The following CGGBP1 variants were observed in gnomAD, a reference collection of about 807,000 sequenced individuals.
CGGBP1 encodes CGG triplet repeat binding protein 1.
Under a neutral mutation model 11.4 loss-of-function variants are expected in CGGBP1, and 4 were observed. That is an observed-to-expected ratio of 0.35 (90% CI 0.17 to 0.80). CGGBP1 has a LOEUF of 0.80. CGGBP1 is among the 30% of genes least tolerant of loss of function. The probability of loss-of-function intolerance (pLI) is 0.52; values close to 1 mark genes in which losing one functional copy is unlikely to be tolerated. For synonymous variants in CGGBP1, 76 were observed against 74.1 expected (o/e 1.03, Z -0.13); for missense variants, 135 against 202.1 (o/e 0.67, Z 2.01).
At chr3:88,141,172 T>C in intron 1 of CGGBP1, 1 of 1,110,152 alleles carries the variant, frequency 9.0e-7, no homozygotes, top group Non-Finnish European at 1.2e-6. Flanking sequence ...GAAGCATTAC[T>C]CCATACATTA....
At chr3:88,113,361 C>A (rs1168980480) in intron 2 of CGGBP1, among the ~76,000 whole-genome samples, 2 of 152,018 alleles carry the variant, frequency 1.3e-5, no homozygotes, top group African/African-American at 4.8e-5. Context: ...AAAATTCATA[C>A]AATTAATTTT....
intron 2 of CGGBP1, among the ~76,000 whole-genome samples, chr3:88,130,993 G>A (rs1706424743): frequency 6.6e-6 from 1 of 152,122 alleles, no homozygotes; most frequent in Admixed American, 6.6e-5. Flanking sequence ...ATACAGTTAT[G>A]CAGCACTTAA....
chr3:88,096,030 T>C, intron 2 of CGGBP1: 1 of 199,996 alleles, frequency 5.0e-6, no homozygotes, highest in Non-Finnish European at 9.9e-6. Flanking sequence ...CCCAGTTTGT[T>C]CTTTCCCTCT....
At chr3:88,132,410 A>G (rs1241609463) in intron 2 of CGGBP1, among the ~76,000 whole-genome samples, 2 of 152,158 alleles carry the variant, frequency 1.3e-5, no homozygotes, top group East Asian at 3.9e-4. Context: ...CACACATTGA[A>G]TAAAGGAAAA....
At chr3:88,068,252 T>TA (rs1338062425) in intron 2 of CGGBP1, among the ~76,000 whole-genome samples, 2 of 152,080 alleles carry the variant, frequency 1.3e-5, no homozygotes, top group Admixed American at 6.5e-5. Flanking sequence ...AAAAATGAGT[T>TA]ACATTCATTC....
At chr3:88,065,890 T>C (rs1180101731) in intron 2 of CGGBP1, among the ~76,000 whole-genome samples, 3 of 152,066 alleles carry the variant, frequency 2.0e-5, no homozygotes, top group Non-Finnish European at 4.4e-5. Context: ...TGCACCACCA[T>C]GCCCGGCTAA....
At position 88,055,421 on chromosome 3, in the gene CGGBP1, A is replaced by AT. The variant is rs1241985127; in HGVS notation, c.*51dup. On this transcript the variant is annotated 3_prime_UTR_variant, in exon 4 of 4. Transcript: ENST00000482016. This position sits in a 1 kb window ranked among gnomAD's most constrained non-coding sequence, Gnocchi z 4.2. ...CAAAAATGAACCACACAATCAACAC[A>AT]TAACTTTAATACTCCACATTTATCT... 2 of 1,428,992 alleles carry AT rather than the reference A, an allele frequency of 1.4e-6. No homozygotes were observed. Among genetic ancestry groups the AT allele is most frequent in the Admixed American group, 2.4e-5 (1 of 42,392 alleles). 88.5% of individuals were successfully genotyped at this position (1,428,992 alleles called of 1,614,324 possible). A position where few individuals can be genotyped will look rare whatever the true frequency, so the allele number is the denominator to read the frequency against.
At chr3:88,141,269 A>G (rs1193965849) in intron 1 of CGGBP1, among the ~76,000 whole-genome samples, 1 of 152,112 alleles carries the variant, frequency 6.6e-6, no homozygotes, top group East Asian at 1.9e-4. Flanking sequence ...AGTAATTTGC[A>G]TAGGGCTTTG....
chr3:88,080,196 T>A (rs1708009008), intron 2 of CGGBP1, among the ~76,000 whole-genome samples: 1 of 152,098 alleles, frequency 6.6e-6, no homozygotes, highest in African/African-American at 2.4e-5. Flanking sequence ...AACTCAGCAG[T>A]CGTTTTCAGA....
chr3:88,101,830 A>G (rs1317889234), intron 2 of CGGBP1, among the ~76,000 whole-genome samples: 1 of 152,130 alleles, frequency 6.6e-6, no homozygotes, highest in Non-Finnish European at 1.5e-5. Flanking sequence ...AATACTTTTT[A>G]TCTTTTTCAT....
At chr3:88,105,946 G>T (rs778637022) in intron 2 of CGGBP1, among the ~76,000 whole-genome samples, 1 of 152,152 alleles carries the variant, frequency 6.6e-6, no homozygotes, top group Non-Finnish European at 1.5e-5. Context: ...GGTGAATTTG[G>T]CCTCTTTTTG....
intron 2 of CGGBP1, among the ~76,000 whole-genome samples, chr3:88,089,943 A>G (rs62265548): frequency 0.16 from 24,337 of 152,168 alleles, 2,445 homozygotes; most frequent in East Asian, 0.25. Context: ...TTGCCTAGTG[A>G]AGTCATAGCT....
rs1353921550 is a variant in CGGBP1 at position 88,055,995 on chromosome 3, T to C, written c.-19A>G. On this transcript the variant is annotated 5_prime_UTR_variant, in exon 4 of 4. Coordinates refer to ENST00000482016, the MANE Select transcript of CGGBP1 (RefSeq NM_001008390.2). This position sits in a 1 kb window ranked among gnomAD's most constrained non-coding sequence, Gnocchi z 4.2. ...GCTCCATTCTGACTCTAAATAAATA[T>C]GGTTCTTTCAAGACAAAAGAAACAA... is the stretch of plus-strand genomic sequence containing the variant. The C allele has an allele frequency of 1.3e-6, 2 of 1,577,284 alleles. No homozygotes were observed. Among genetic ancestry groups the C allele is most frequent in the South Asian group, 1.2e-5 (1 of 85,336 alleles).
chr3:88,147,130 CTG>C (rs1301880470), intron 1 of CGGBP1, among the ~76,000 whole-genome samples: 1 of 152,178 alleles, frequency 6.6e-6, no homozygotes, highest in Non-Finnish European at 1.5e-5. Flanking sequence ...GTGCGGGCCT[CTG>C]TAACAGGCAA....
At chr3:88,090,149 C>T (rs1708557240) in intron 2 of CGGBP1, among the ~76,000 whole-genome samples, 1 of 152,018 alleles carries the variant, frequency 6.6e-6, no homozygotes, top group Non-Finnish European at 1.5e-5. Flanking sequence ...ACCTCTTCTA[C>T]CTATTAAAAA....
chr3:88,144,514 G>C (rs1707264452), intron 1 of CGGBP1: 1 of 152,358 alleles, frequency 6.6e-6, no homozygotes, highest in South Asian at 2.1e-4. Flanking sequence ...CTTCCTTGTT[G>C]AATGTTAAAT....
intron 2 of CGGBP1, among the ~76,000 whole-genome samples, chr3:88,086,782 T>C (rs1174755987): frequency 2.6e-5 from 4 of 152,068 alleles, no homozygotes; most frequent in African/African-American, 9.7e-5. Flanking sequence ...TTTGTTTGTT[T>C]TGTTGTTTTG....
chr3:88,135,433 C>G (rs896925204), intron 2 of CGGBP1: 1 of 313,344 alleles, frequency 3.2e-6, no homozygotes, highest in African/African-American at 2.1e-5. Context: ...CCATTACAAC[C>G]TTTTTTCTTA....
At chr3:88,077,546 G>C (rs370701518) in intron 2 of CGGBP1, among the ~76,000 whole-genome samples, 1 of 151,982 alleles carries the variant, frequency 6.6e-6, no homozygotes, top group Non-Finnish European at 1.5e-5. Flanking sequence ...TGTGTATGGG[G>C]AATCATTGTT....
Sources: gnomAD v4.1 joint callset for allele counts (sites outside exome capture counted in the v4.1 genomes callset) on GRCh38, gnomAD v4.1.1 for gene constraint, Gnocchi (gnomAD v3.1) non-coding constraint, MANE v1.5 for transcripts, NCBI Gene and HGNC (gene_info 2026-07-23, HGNC 2026-07-21) for gene names.